The following TENM3 variants were observed in gnomAD, a reference collection of about 807,000 sequenced individuals.
TENM3 encodes the protein teneurin-3.
TENM3 carries 63 observed loss-of-function variants against 255.1 expected under a neutral mutation model. The ratio of observed to expected loss-of-function variants is 0.25; its 90% CI spans 0.20 to 0.30. TENM3 has a LOEUF of 0.30. TENM3 is among the 10% of genes least tolerant of loss of function. The probability of loss-of-function intolerance (pLI) is 1.00; values close to 1 mark genes in which losing one functional copy is unlikely to be tolerated. For synonymous variants in TENM3, 1,306 were observed against 1,322.3 expected (o/e 0.99, Z 0.27); for missense variants, 2,929 against 3,461.1 (o/e 0.85, Z 3.86).
At chr4:182,748,915 C>G (rs754709675) in intron 19 of TENM3, among the ~76,000 whole-genome samples, 2 of 152,148 alleles carry the variant, frequency 1.3e-5, no homozygotes, top group African/African-American at 4.8e-5. Context: ...GGAGAAATTT[C>G]TATGTCTTCT....
chr4:181,649,299 C>A, the TENM3 span, among the ~76,000 whole-genome samples: 1 of 152,206 alleles, frequency 6.6e-6, no homozygotes, highest in Admixed American at 6.5e-5. Context: ...AATGTGAGGC[C>A]TACAGCCATT....
the TENM3 span, among the ~76,000 whole-genome samples, chr4:181,627,652 A>G: frequency 6.6e-6 from 1 of 152,194 alleles, no homozygotes; most frequent in Non-Finnish European, 1.5e-5. Context: ...ATGTCCCTAC[A>G]AAGGACATGA....
At chr4:181,890,427 G>GA in the TENM3 span, among the ~76,000 whole-genome samples, 6 of 150,236 alleles carry the variant, frequency 4.0e-5, no homozygotes, top group South Asian at 2.1e-4. Flanking sequence ...GGTTTTCAAA[G>GA]AAAAAAAAGA....
chr4:182,779,213 C>A (rs1417954895), intron 24 of TENM3, among the ~76,000 whole-genome samples: 1 of 151,728 alleles, frequency 6.6e-6, no homozygotes, highest in African/African-American at 2.4e-5. Context: ...CCCGCTCCCC[C>A]CACCCCACAA....
At chr4:182,357,347 G>T (rs62352291) in intron 3 of TENM3, among the ~76,000 whole-genome samples, 25,329 of 151,604 alleles carry the variant, frequency 0.17, 2,304 homozygotes, top group Non-Finnish European at 0.19. Flanking sequence ...ATGTAAAAGT[G>T]TTCCTATTTC....
chr4:181,568,027 T>C, the TENM3 span, among the ~76,000 whole-genome samples: 2 of 152,132 alleles, frequency 1.3e-5, no homozygotes, highest in Non-Finnish European at 2.9e-5. Context: ...AGGAAATGCA[T>C]TGTGTTTCTT....
the TENM3 span, among the ~76,000 whole-genome samples, chr4:181,498,750 A>G: frequency 6.6e-6 from 1 of 152,198 alleles, no homozygotes; most frequent in East Asian, 1.9e-4. Context: ...ACGAAAATTC[A>G]TCACCACTGA....
intron 1 of TENM3, among the ~76,000 whole-genome samples, chr4:182,159,975 A>G (rs1407420768): frequency 7.9e-5 from 12 of 152,024 alleles, no homozygotes; most frequent in Non-Finnish European, 1.2e-4. Context: ...AAACAAATCT[A>G]CCTATACAGG....
Position 182,752,025 on chromosome 4 carries a change from T to A in TENM3, c.3855T>A (p.Ser1285Arg). Reference protein sequence around the residue: ...GGKAVEATLMSPKGMAVDKNG... With the variant: ...GGKAVEATLMRPKGMAVDKNG... ...AGGCCGTGGAAGCCACACTCATGAG[T>A]CCCAAAGGTACCGGCAGTTGGCGAT... The change falls in exon 20 of 28, where the codon AGT becomes AGA. Residue 1285 changes from serine to arginine, a missense_variant. Coordinates refer to ENST00000511685, the MANE Select transcript of TENM3 (RefSeq NM_001080477.4). 1 of 1,577,436 alleles carries A rather than the reference T, an allele frequency of 6.3e-7. No individual in the cohort carries two copies. The highest frequency in any genetic ancestry group is 8.6e-7 in the Non-Finnish European group (1 of 1,157,922).
the TENM3 span, among the ~76,000 whole-genome samples, chr4:181,524,684 G>A: frequency 6.6e-6 from 1 of 152,284 alleles, no homozygotes; most frequent in Non-Finnish European, 1.5e-5. Context: ...TACATGAGAA[G>A]GGCATAAATA....
intron 22 of TENM3, among the ~76,000 whole-genome samples, chr4:182,771,511 A>G (rs34488421): frequency 7.5e-5 from 11 of 145,820 alleles, no homozygotes; most frequent in Non-Finnish European, 1.2e-4. Context: ...GGGGGGGGGA[A>G]ATAGTACAAT....
At chr4:182,341,245 T>G (rs574337188) in intron 2 of TENM3, among the ~76,000 whole-genome samples, 2 of 152,296 alleles carry the variant, frequency 1.3e-5, no homozygotes, top group East Asian at 1.9e-4. Context: ...CTTTATTATG[T>G]TTTTAAATTA....
chr4:182,222,666 G>A (rs190569398), intron 1 of TENM3, among the ~76,000 whole-genome samples: 39 of 152,214 alleles, frequency 2.6e-4, no homozygotes, highest in African/African-American at 8.7e-4. Context: ...TTCCATTTCA[G>A]GGCCATATTT....
At chr4:182,535,794 T>C (rs1292768232) in intron 3 of TENM3, among the ~76,000 whole-genome samples, 1 of 151,928 alleles carries the variant, frequency 6.6e-6, no homozygotes, top group Non-Finnish European at 1.5e-5. Flanking sequence ...TGTAATGAAT[T>C]ATGATAAACA....
At chr4:182,676,702 C>T (rs891561629) in intron 7 of TENM3, among the ~76,000 whole-genome samples, 1 of 152,154 alleles carries the variant, frequency 6.6e-6, no homozygotes, top group Non-Finnish European at 1.5e-5. Context: ...AGCATAAATA[C>T]AACAAACATG....
chr4:182,071,760 G>C, the TENM3 span, among the ~76,000 whole-genome samples: 1 of 152,106 alleles, frequency 6.6e-6, no homozygotes. Context: ...ATTTTGAAAT[G>C]TACAATAGAT....
chr4:181,673,044 A>G, the TENM3 span, among the ~76,000 whole-genome samples: 1 of 152,184 alleles, frequency 6.6e-6, no homozygotes, highest in Non-Finnish European at 1.5e-5. Context: ...AAAACTCAAC[A>G]AAATAACCTA....
intron 1 of TENM3, among the ~76,000 whole-genome samples, chr4:182,320,131 G>A (rs1046077090): frequency 4.0e-5 from 6 of 151,580 alleles, no homozygotes; most frequent in Non-Finnish European, 8.8e-5. Context: ...AAAATCCAAA[G>A]AGAATGGAAA....
intron 1 of TENM3, among the ~76,000 whole-genome samples, chr4:182,270,405 G>T (rs1759540520): frequency 6.6e-6 from 1 of 152,300 alleles, no homozygotes; most frequent in Admixed American, 6.5e-5. Flanking sequence ...ACTGAAGGTG[G>T]AATTTGGTAT....
Sources: gnomAD v4.1 joint callset for allele counts (sites outside exome capture counted in the v4.1 genomes callset) on GRCh38, gnomAD v4.1.1 for gene constraint, MANE v1.5 for transcripts, NCBI Gene and HGNC (gene_info 2026-07-23, HGNC 2026-07-21) for gene names.